MICOS10: variants seen among roughly 807,000 people sequenced by gnomAD.
MICOS10 encodes the protein MICOS complex subunit MIC10.
MICOS10 carries 5 observed loss-of-function variants against 13.4 expected under a neutral mutation model. That is an observed-to-expected ratio of 0.37 (90% CI 0.20 to 0.78). The LOEUF (loss-of-function observed/expected upper bound fraction) is 0.78. Among genes scored for constraint, MICOS10 ranks in the 30% least tolerant of loss-of-function variants. The probability of loss-of-function intolerance (pLI) is 0.47; values close to 1 mark genes in which losing one functional copy is unlikely to be tolerated. For missense variants in MICOS10, 101 were observed against 94.6 expected, an observed-to-expected ratio of 1.07 and a Z score of -0.28; for synonymous variants, 35 against 33.6, an observed-to-expected ratio of 1.04 and a Z score of -0.15.
chr1:19,597,351 T>C (rs2100223252), intron 1 of MICOS10, among the ~76,000 whole-genome samples: 1 of 151,974 alleles, frequency 6.6e-6, no homozygotes, highest in Non-Finnish European at 1.5e-5. Context: ...GAGGAGGTGG[T>C]CGGGGTTGGC....
chr1:19,609,389 G>A (rs1329338337), intron 1 of MICOS10, among the ~76,000 whole-genome samples: 1 of 152,104 alleles, frequency 6.6e-6, no homozygotes, highest in Non-Finnish European at 1.5e-5. Flanking sequence ...CTTATACACC[G>A]TTCATTGGAA....
rs372033153 is a variant in MICOS10, at chr1:19,608,102, C to T, written c.64+10993C>T. On this transcript the variant is annotated intron_variant, in intron 1 of 3. Coordinates refer to ENST00000322753, the MANE Select transcript of MICOS10 (RefSeq NM_001032363.4). ...AGCTTTCCCGTGTGGAGTCTGGAGA[C>T]GACGTGCAGAAATGGCACCTGGAAA... 27 of 942,074 alleles carry T rather than the reference C, an allele frequency of 2.9e-5. No homozygotes were observed. In the East Asian group the frequency reaches 4.3e-4, roughly 15 times the overall value. 58.4% of individuals were successfully genotyped at this position (942,074 alleles called of 1,614,324 possible). A position where few individuals can be genotyped will look rare whatever the true frequency, so the allele number is the denominator to read the frequency against.
At chr1:19,609,845 C>T (rs1445927432) in intron 1 of MICOS10, among the ~76,000 whole-genome samples, 2 of 152,098 alleles carry the variant, frequency 1.3e-5, no homozygotes. Context: ...ATTAAAATGA[C>T]TAAAGAAAGC....
intron 1 of MICOS10, among the ~76,000 whole-genome samples, chr1:19,607,538 G>C (rs949322895): frequency 6.6e-6 from 1 of 152,156 alleles, no homozygotes; most frequent in Non-Finnish European, 1.5e-5. Flanking sequence ...TGCTAGATTG[G>C]ATCCTGTTTA....
chr1:19,601,003 C>G, intron 1 of MICOS10: 1 of 1,289,316 alleles, frequency 7.8e-7, no homozygotes, highest in Non-Finnish European at 1.0e-6. Context: ...TGTCTTATAC[C>G]TAAAGTGTTT....
intron 1 of MICOS10, among the ~76,000 whole-genome samples, chr1:19,616,552 A>G (rs1414013098): frequency 6.6e-6 from 1 of 152,096 alleles, no homozygotes; most frequent in Non-Finnish European, 1.5e-5. Flanking sequence ...TTTTGTTACC[A>G]CTCCTGTAAG....
intron 1 of MICOS10, among the ~76,000 whole-genome samples, chr1:19,599,887 C>T (rs1015643977): frequency 3.9e-5 from 6 of 152,068 alleles, no homozygotes; most frequent in Non-Finnish European, 8.8e-5. Flanking sequence ...ATGCTTTCTG[C>T]GTATTCAGCA....
chr1:19,603,389 A>C (rs1369845785), intron 1 of MICOS10, among the ~76,000 whole-genome samples: 1 of 152,234 alleles, frequency 6.6e-6, no homozygotes, highest in African/African-American at 2.4e-5. Context: ...GAATTCTGTT[A>C]CAACTTACTC....
chr1:19,597,030 G>A lies in MICOS10; in HGVS notation c.-16G>A, dbSNP rs1386199057. 5.7e-6 allele frequency: 9 copies of A among 1,580,000 alleles called. No homozygotes were observed. The highest frequency in any genetic ancestry group is 7.7e-6 in the Non-Finnish European group (9 of 1,166,642). On this transcript the variant is annotated 5_prime_UTR_variant, in exon 1 of 4. Transcript: ENST00000322753. ...GGGGCCGGCCGAGAGGAAAGCTGGA[G>A]GCGCGGGTGGGGAACATGTCTGAGT...
chr1:19,617,087 A>G lies in MICOS10; in HGVS notation c.65-5013A>G, dbSNP rs527643657. Among the ~76,000 whole-genome samples the G allele has an allele frequency of 6.6e-5, 10 of 152,302 alleles. No homozygotes were observed. The South Asian group carries it at 2.1e-3, about 32-fold the overall frequency. On this transcript the variant is annotated intron_variant, in intron 1 of 3. Coordinates refer to ENST00000322753, the MANE Select transcript of MICOS10 (RefSeq NM_001032363.4). Reference sequence around the variant, plus strand: ...TGTTTTATGCATTCTTGGGAGCTGTATGGCTGTCAGCATTCTGGAAGTTGA... The same window carrying G: ...TGTTTTATGCATTCTTGGGAGCTGTGTGGCTGTCAGCATTCTGGAAGTTGA...
At chr1:19,597,904 T>C (rs1232961251) in intron 1 of MICOS10, 1 of 152,162 alleles carries the variant, frequency 6.6e-6, no homozygotes, top group African/African-American at 2.4e-5. Flanking sequence ...AATTAGGGAT[T>C]TTACCCAGCT....
intron 1 of MICOS10, among the ~76,000 whole-genome samples, chr1:19,606,219 A>G (rs1246337348): frequency 1.3e-5 from 2 of 152,216 alleles, no homozygotes; most frequent in Admixed American, 1.3e-4. Flanking sequence ...ATGCAGGCTC[A>G]GGAGTGGGAG....
intron 1 of MICOS10, among the ~76,000 whole-genome samples, chr1:19,620,341 A>G (rs1423474079): frequency 6.6e-6 from 1 of 152,236 alleles, no homozygotes; most frequent in Non-Finnish European, 1.5e-5. Context: ...TTAAAAGAGA[A>G]TTGTGCATGT....
Position 19,622,114 on chromosome 1 carries a change from T to C in MICOS10, c.79T>C (p.Leu27=), listed in dbSNP as rs1473815608. Residue 27 remains leucine, a synonymous_variant, in exon 2 of 4, where the codon TTA becomes CTA. Transcript: ENST00000322753. ...AVVKIGTGFG[L]GIVFSLTFFK... is the part of the protein sequence containing the mutation. ...CCTCTTTGTAGGTACTGGTTTTGGA[T>C]TAGGAATTGTTTTCTCACTTACCTT... 6.2e-7 allele frequency: 1 copy of C among 1,612,280 alleles called. No individual in the cohort carries two copies. The highest frequency in any genetic ancestry group is 8.5e-7 in the Non-Finnish European group (1 of 1,178,798).
intron 2 of MICOS10, among the ~76,000 whole-genome samples, chr1:19,622,360 C>T (rs528603793): frequency 2.3e-4 from 35 of 152,316 alleles, no homozygotes; most frequent in African/African-American, 8.4e-4. Context: ...TTCCCCTGGG[C>T]ACTGAGGCAG....
At chr1:19,602,496 A>G (rs925822876) in intron 1 of MICOS10, among the ~76,000 whole-genome samples, 4 of 152,218 alleles carry the variant, frequency 2.6e-5, no homozygotes, top group African/African-American at 9.6e-5. Flanking sequence ...ACCAGAGAGC[A>G]CTTTTGTATT....
chr1:19,602,162 G>A (rs2100243868), intron 1 of MICOS10, among the ~76,000 whole-genome samples: 1 of 152,306 alleles, frequency 6.6e-6, no homozygotes, highest in Non-Finnish European at 1.5e-5. Flanking sequence ...TGTGTTCACT[G>A]TTGATCCCCT....
At chr1:19,615,257 G>A (rs1019297016) in intron 1 of MICOS10, among the ~76,000 whole-genome samples, 2 of 152,172 alleles carry the variant, frequency 1.3e-5, no homozygotes, top group Admixed American at 6.5e-5. Context: ...TAAATATTTG[G>A]ACTTTCGATT....
intron 1 of MICOS10, chr1:19,617,411 C>A: frequency 1.7e-6 from 1 of 581,974 alleles, no homozygotes; most frequent in Non-Finnish European, 2.2e-6. Flanking sequence ...TTTTGAGAAG[C>A]TGATTAATAC....
Sources: allele counts gnomAD v4.1 joint callset (sites outside exome capture counted in the v4.1 genomes callset), GRCh38; gene constraint gnomAD v4.1.1; transcripts MANE v1.5; gene names NCBI Gene and HGNC (gene_info 2026-07-23, HGNC 2026-07-21).